The following OR8J1 variants were observed in gnomAD, a reference collection of about 807,000 sequenced individuals.
OR8J1 encodes the protein olfactory receptor family 8 subfamily J member 1.
For synonymous variants in OR8J1, 157 were observed against 144.3 expected (o/e 1.09, Z -0.63); for missense variants, 400 against 373.0 (o/e 1.07, Z -0.60).
chr11:56,356,549 A>C (rs1854971279), intron 1 of OR8J1, among the ~76,000 whole-genome samples: 1 of 152,164 alleles, frequency 6.6e-6, no homozygotes, highest in Non-Finnish European at 1.5e-5. Context: ...AGGTAAGAAA[A>C]GGGCATGGGA....
At chr11:56,359,754 T>A (rs1308307085) in intron 1 of OR8J1, among the ~76,000 whole-genome samples, 1 of 152,098 alleles carries the variant, frequency 6.6e-6, no homozygotes, top group Non-Finnish European at 1.5e-5. Context: ...ATAATACACA[T>A]TATACAAGGA....
intron 1 of OR8J1, among the ~76,000 whole-genome samples, chr11:56,356,940 C>G (rs1439052332): frequency 2.0e-5 from 3 of 152,004 alleles, no homozygotes; most frequent in Non-Finnish European, 4.4e-5. Context: ...CAAAATAAAT[C>G]CCCCATCTGT....
rs1016523854 is a variant in OR8J1, at chr11:56,360,915, G to T, written c.669G>T (p.Leu223Phe). 7.5e-6 allele frequency: 11 copies of T among 1,476,048 alleles called. No individual in the cohort carries two copies. Among genetic ancestry groups the T allele is most frequent in the African/African-American group, 2.9e-5 (2 of 69,222 alleles). The allele number at this position is 1,476,048 out of a possible 1,614,324, so 91.4% of individuals were successfully genotyped here. Residue 223 changes from leucine to phenylalanine, a missense_variant, in exon 2 of 2, where the codon TTG becomes TTT. Coordinates refer to ENST00000533152, the MANE Select transcript of OR8J1 (RefSeq NM_001005205.3). ...IVLVSYFNIV[L>F]SILKICSSEG... Reference sequence around the variant, plus strand: ...TAGTATCTTATTTCAATATTGTTTTGTCTATTTTAAAAATATGTTCATCAG... The same window carrying T: ...TAGTATCTTATTTCAATATTGTTTTTTCTATTTTAAAAATATGTTCATCAG...
intron 1 of OR8J1, among the ~76,000 whole-genome samples, 182 bp from the exon 2 acceptor site, chr11:56,360,045 G>C (rs1852612683): frequency 6.6e-6 from 1 of 152,070 alleles, no homozygotes; most frequent in African/African-American, 2.4e-5. Flanking sequence ...TTCCATACTT[G>C]ATCTTTCTGT....
rs777168681 is a variant in OR8J1, at chr11:56,360,217, C to T, written c.-20-10C>T. The stretch of plus-strand genomic sequence containing the variant: ...TTTAAAGTTTTTAACCTCTCTTTTC[C>T]CCCAAACAGATGAATTTCCAAACTC... On this transcript the variant is annotated splice_polypyrimidine_tract_variant and intron_variant, in intron 1 of 1. Transcript: ENST00000533152. The T allele has an allele frequency of 6.6e-7, 1 of 1,524,186 alleles. No individual in the cohort carries two copies. Among genetic ancestry groups the T allele is most frequent in the South Asian group, 1.3e-5 (1 of 77,016 alleles). 94.4% of individuals were successfully genotyped at this position (1,524,186 alleles called of 1,614,324 possible).
chr11:56,355,972 G>A (rs1051911615), intron 1 of OR8J1, among the ~76,000 whole-genome samples: 1 of 152,136 alleles, frequency 6.6e-6, no homozygotes, highest in Non-Finnish European at 1.5e-5. Context: ...GACATGGAAG[G>A]TCAGAAATAA....
intron 1 of OR8J1, among the ~76,000 whole-genome samples, chr11:56,356,087 CT>C (rs1315011424): frequency 6.6e-6 from 1 of 152,074 alleles, no homozygotes; most frequent in Non-Finnish European, 1.5e-5. Flanking sequence ...TAATGAATAC[CT>C]TGGATAACAC....
intron 1 of OR8J1, among the ~76,000 whole-genome samples, chr11:56,359,784 G>A (rs1348313171): frequency 1.3e-5 from 2 of 152,094 alleles, no homozygotes; most frequent in African/African-American, 4.8e-5. Context: ...TAAAGAAAAT[G>A]GGTTAGGATA....
Position 56,360,268 on chromosome 11 carries a change from A to G in OR8J1, c.22A>G (p.Arg8Gly), listed in dbSNP as rs931910366. 3.2e-6 allele frequency: 5 copies of G among 1,569,754 alleles called. No homozygotes were observed. Among genetic ancestry groups the G allele is most frequent in the Non-Finnish European group, 4.3e-6 (5 of 1,162,520 alleles). ...TGACATGGCTCCTGAAAATTTCACC[A>G]GAGTCACTGAGTTTATTCTTACAGG... The part of the protein sequence containing the change: MAPENFT[R>G]VTEFILTGVS... The change falls in exon 2 of 2, where the codon AGA (arginine) becomes GGA (glycine). Residue 8 changes from arginine to glycine, a missense_variant. Physicochemically the swap from Arg to Gly is moderately radical, Grantham distance 125 (BLOSUM62 -2). Transcript: ENST00000533152.
Position 56,361,161 on chromosome 11 carries a change from C to A in OR8J1, c.915C>A (p.Phe305Leu). Reference protein sequence around the residue: ...NKDVKTALQRFMTNLCYSFKT... With the variant: ...NKDVKTALQRLMTNLCYSFKT... ...ATGTGAAGACTGCTCTACAGAGATTCATGACAAATCTGTGCTATTCCTTTA... is the reference window on the plus strand; with the variant it reads ...ATGTGAAGACTGCTCTACAGAGATTAATGACAAATCTGTGCTATTCCTTTA... Residue 305 changes from phenylalanine to leucine, a missense_variant, in exon 2 of 2, where the codon TTC becomes TTA. Coordinates refer to ENST00000533152, the MANE Select transcript of OR8J1 (RefSeq NM_001005205.3). The A allele has an allele frequency of 7.1e-7, 1 of 1,403,682 alleles. No homozygotes were observed. Among genetic ancestry groups the A allele is most frequent in the Non-Finnish European group, 9.3e-7 (1 of 1,077,044 alleles). The allele number at this position is 1,403,682 out of a possible 1,614,324, so 87.0% of individuals were successfully genotyped here.
chr11:56,360,032 C>T (rs1240925726), intron 1 of OR8J1, among the ~76,000 whole-genome samples, 195 bp from the exon 2 acceptor site: 2 of 152,104 alleles, frequency 1.3e-5, no homozygotes, highest in African/African-American at 2.4e-5. Flanking sequence ...ATTTACTATA[C>T]GTTTCCATAC....
At chr11:56,356,589 G>A (rs1048426760) in intron 1 of OR8J1, among the ~76,000 whole-genome samples, 6 of 152,138 alleles carry the variant, frequency 3.9e-5, no homozygotes, top group Non-Finnish European at 7.4e-5. Flanking sequence ...TACCTGTTAC[G>A]TAGTGTTTGG....
intron 1 of OR8J1, among the ~76,000 whole-genome samples, chr11:56,356,944 C>A (rs540946060): frequency 2.0e-5 from 3 of 152,068 alleles, no homozygotes; most frequent in African/African-American, 7.2e-5. Context: ...ATAAATCCCC[C>A]ATCTGTCATT....
chr11:56,357,553 C>A, intron 1 of OR8J1: 1 of 885,980 alleles, frequency 1.1e-6, no homozygotes, highest in Admixed American at 1.7e-5. Context: ...ATAGTCCGCG[C>A]GGCACATGCA....
In OR8J1 at chr11:56,356,051, G is replaced by A. The variant is rs116623849; in HGVS notation, c.-21+1726G>A. Among the ~76,000 whole-genome samples, 1,059 of 152,274 alleles carry A rather than the reference G, an allele frequency of 7.0e-3. 7 individuals are homozygous for A. Among genetic ancestry groups the A allele is most frequent in the African/African-American group, 0.024 (1,005 of 41,558 alleles). The stretch of plus-strand genomic sequence containing the variant: ...AAGTCATGTGAATCTGATGATAAAT[G>A]AGGTAAAAGCATATTTCAATTATTC... On this transcript the variant is annotated intron_variant, in intron 1 of 1. Coordinates refer to ENST00000533152, the MANE Select transcript of OR8J1 (RefSeq NM_001005205.3).
rs200309992 is a variant in OR8J1 at position 56,360,789 on chromosome 11, T to A, written c.543T>A (p.Asn181Lys). Residue 181 changes from asparagine to lysine, a missense_variant, in exon 2 of 2, where the codon AAT (asparagine) becomes AAA (lysine). Transcript: ENST00000533152. The part of the protein sequence containing the change: ...SNIINHFYCD[N>K]VPLLALSCSD... ...TAATCAATCATTTTTACTGTGATAA[T>A]GTTCCTCTGTTAGCATTATCTTGCT... The A allele has an allele frequency of 7.0e-6, 11 of 1,575,218 alleles. No homozygotes were observed. In the Admixed American group the frequency reaches 1.2e-4, roughly 17 times the overall value.
chr11:56,358,144 C>T, intron 1 of OR8J1: 1 of 396,572 alleles, frequency 2.5e-6, no homozygotes, highest in South Asian at 3.7e-5. Flanking sequence ...CAGAATGTCC[C>T]TTGCTCAGAA....
At chr11:56,356,341 T>A (rs545834548) in intron 1 of OR8J1, among the ~76,000 whole-genome samples, 1 of 152,320 alleles carries the variant, frequency 6.6e-6, no homozygotes, top group African/African-American at 2.4e-5. Flanking sequence ...TGATTAAAAA[T>A]CACTTTTTAA....
At position 56,357,616 on chromosome 11, in the gene OR8J1, C is replaced by T. The variant is rs886458844; in HGVS notation, c.-20-2611C>T. 6 of 1,308,998 alleles carry T rather than the reference C, an allele frequency of 4.6e-6. No homozygotes were observed. In the African/African-American group the frequency reaches 8.7e-5, roughly 19 times the overall value. 81.1% of individuals were successfully genotyped at this position (1,308,998 alleles called of 1,614,324 possible). On this transcript the variant is annotated intron_variant, in intron 1 of 1. Coordinates refer to ENST00000533152, the MANE Select transcript of OR8J1 (RefSeq NM_001005205.3). ...GTTGGCCTGACAAATTATGCTGCAG[C>T]CTATTGTACTTGCCTGCTGCTGGCC...
Sources: allele counts gnomAD v4.1 joint callset (sites outside exome capture counted in the v4.1 genomes callset), GRCh38; gene constraint gnomAD v4.1.1; transcripts MANE v1.5; gene names NCBI Gene and HGNC (gene_info 2026-07-23, HGNC 2026-07-21).